The following RPS6KB2 variants were observed in gnomAD, a reference collection of about 807,000 sequenced individuals.
The protein encoded by RPS6KB2 is ribosomal protein S6 kinase beta-2.
In RPS6KB2, 51 loss-of-function variants were observed where a neutral mutation model predicts 58.2. That is an observed-to-expected ratio of 0.88 (90% CI 0.70 to 1.11). The LOEUF (loss-of-function observed/expected upper bound fraction) is 1.11. Ranked by LOEUF, RPS6KB2 falls within the 50% of genes least tolerant of loss-of-function variation. The probability of loss-of-function intolerance (pLI) is 0.00; values close to 1 mark genes in which losing one functional copy is unlikely to be tolerated. For synonymous variants in RPS6KB2, 293 were observed against 258.6 expected, an observed-to-expected ratio of 1.13 and a Z score of -1.28; for missense variants, 671 against 655.8, an observed-to-expected ratio of 1.02 and a Z score of -0.25.
rs1864008815 is a variant in RPS6KB2 at position 67,431,181 on chromosome 11, C to T, written c.310-187C>T. On this transcript the variant is annotated intron_variant, in intron 4 of 14. Transcript: ENST00000312629. ...CTGAGCTGGGATTACAGGCGTGTAC[C>T]ATCATACCCAGCTAATTTTTCTATT... The T allele has an allele frequency of 5.8e-6, 3 of 513,032 alleles. No homozygotes were observed. In the South Asian group the frequency reaches 6.5e-5, roughly 11 times the overall value. The allele number at this position is 513,032 out of a possible 1,614,324, so 31.8% of individuals were successfully genotyped here. A position where few individuals can be genotyped will look rare whatever the true frequency, so the allele number is the denominator to read the frequency against.
intron 9 of RPS6KB2, 43 bp downstream of exon 9, chr11:67,433,259 T>C: frequency 6.2e-7 from 1 of 1,600,420 alleles, no homozygotes; most frequent in African/African-American, 1.3e-5. Flanking sequence ...GGGGCAGAGG[T>C]GGGAGTAGCC....
intron 10 of RPS6KB2, 119 bp from the exon 11 acceptor site, chr11:67,433,876 A>G: frequency 9.1e-7 from 1 of 1,102,292 alleles, no homozygotes; most frequent in Non-Finnish European, 1.4e-6. Flanking sequence ...CATAGGTGGG[A>G]GCCACACCCA....
chr11:67,433,944 A>G, intron 10 of RPS6KB2, 51 bp from the exon 11 acceptor site: 7 of 1,603,760 alleles, frequency 4.4e-6, no homozygotes, highest in Non-Finnish European at 6.0e-6. Flanking sequence ...GGACCCGGGG[A>G]CACATGAGCA....
In RPS6KB2 at chr11:67,433,041, A is replaced by C. The variant is rs1252149182; in HGVS notation, c.706A>C (p.Met236Leu). The C allele has an allele frequency of 1.2e-6, 2 of 1,613,296 alleles. No individual in the cohort carries two copies. Among genetic ancestry groups the C allele is most frequent in the East Asian group, 4.5e-5 (2 of 44,878 alleles). Residue 236 changes from methionine (M) to leucine (L), a missense_variant and splice_region_variant, in exon 8 of 15, where the codon ATG becomes CTG. Coordinates refer to ENST00000312629, the MANE Select transcript of RPS6KB2 (RefSeq NM_003952.3). ...CACCTTCTGCGGCACCATTGAGTAC[A>C]TGTAAGTGGCACCTGGCTGGCCCAG... ...THTFCGTIEY[M>L]APEILVRSGH...
intron 3 of RPS6KB2, 135 bp downstream of exon 3, chr11:67,429,375 G>A: frequency 1.4e-6 from 2 of 1,400,550 alleles, no homozygotes; most frequent in Non-Finnish European, 2.0e-6. Flanking sequence ...AAGGAGGGAA[G>A]GCCAAATCCT....
Position 67,431,379 on chromosome 11 carries a change from G to T in RPS6KB2, c.321G>T (p.Val107=), listed in dbSNP as rs750354971. The T allele has an allele frequency of 6.2e-7, 1 of 1,613,758 alleles. No homozygotes were observed. ...AMKVLRKAKI[V]RNAKDTAHTR... is the part of the protein sequence containing the mutation. ...TCCTGTATCTCCAGGCCAAAATTGTGCGCAATGCCAAGGACACAGCACACA... is the reference window on the plus strand; with the variant it reads ...TCCTGTATCTCCAGGCCAAAATTGTTCGCAATGCCAAGGACACAGCACACA... Residue 107 remains valine, a synonymous_variant, in exon 5 of 15, where the codon GTG becomes GTT. Transcript: ENST00000312629.
intron 5 of RPS6KB2, 140 bp from the exon 6 acceptor site, chr11:67,432,460 G>A: frequency 1.1e-6 from 1 of 880,080 alleles, no homozygotes. Context: ...TTGCTGAATT[G>A]AATTGAATCC....
chr11:67,429,794 C>T (rs949749775), intron 4 of RPS6KB2, 199 bp downstream of exon 4: 1 of 582,336 alleles, frequency 1.7e-6, no homozygotes, highest in East Asian at 2.9e-5. Context: ...AGACATTTGA[C>T]AACAGTGTCT....
Position 67,433,197 on chromosome 11 carries a change from A to G in RPS6KB2, c.779A>G (p.Tyr260Cys), listed in dbSNP as rs1565147334. Residue 260 changes from tyrosine to cysteine, a missense_variant, in exon 9 of 15, where the codon TAC (tyrosine) becomes TGC (cysteine). Transcript: ENST00000312629. ...TGGTGGAGCCTGGGGGCCCTGATGT[A>G]CGACATGCTCACTGGATCGGCAAGT... Reference protein sequence around the residue: ...VDWWSLGALMYDMLTGSPPFT... With the variant: ...VDWWSLGALMCDMLTGSPPFT... 1 of 1,606,440 alleles carries G rather than the reference A, an allele frequency of 6.2e-7. No individual in the cohort carries two copies. The highest frequency in any genetic ancestry group is 1.1e-5 in the South Asian group (1 of 90,846).
chr11:67,433,074 G>C, intron 8 of RPS6KB2, 32 bp downstream of exon 8: 1 of 1,612,436 alleles, frequency 6.2e-7, no homozygotes, highest in Non-Finnish European at 8.5e-7. Context: ...CAGGGGTCGG[G>C]AGGACAGCCC....
intron 10 of RPS6KB2, among the ~76,000 whole-genome samples, chr11:67,433,732 AG>A (rs1474697801): frequency 2.0e-5 from 3 of 152,122 alleles, no homozygotes; most frequent in African/African-American, 7.2e-5. Flanking sequence ...TGTTAGGGGG[AG>A]GCCGGACAGC....
At chr11:67,430,962 A>G (rs1226283180) in intron 4 of RPS6KB2, 1 of 158,984 alleles carries the variant, frequency 6.3e-6, no homozygotes, top group Non-Finnish European at 1.4e-5. Context: ...GGAGAAATAC[A>G]ATGCAGTGAC....
chr11:67,428,758 C>T, intron 1 of RPS6KB2, 135 bp downstream of exon 1: 1 of 953,442 alleles, frequency 1.0e-6, no homozygotes, highest in Non-Finnish European at 1.6e-6. Flanking sequence ...ATCCCGGTCT[C>T]TATTAAGTTC....
intron 4 of RPS6KB2, 72 bp from the exon 5 acceptor site, chr11:67,431,296 C>G (rs35074268): frequency 1.0e-5 from 15 of 1,495,990 alleles, no homozygotes; most frequent in Non-Finnish European, 1.4e-5. Context: ...TCCTAGAGTG[C>G]TGGGATTACA....
chr11:67,432,936 C>T lies in RPS6KB2; in HGVS notation c.617-16C>T, dbSNP rs769003223. 5.0e-6 allele frequency: 8 copies of T among 1,612,776 alleles called. No homozygotes were observed. The Admixed American group carries it at 6.7e-5, about 13-fold the overall frequency. On this transcript the variant is annotated splice_polypyrimidine_tract_variant and intron_variant, in intron 7 of 14. Coordinates refer to ENST00000312629, the MANE Select transcript of RPS6KB2 (RefSeq NM_003952.3). ...GGGTGGGGCCCTGGTCACGCCTCTCCAACACCCTTCCTCAGGCCACATCAA... is the reference window on the plus strand; with the variant it reads ...GGGTGGGGCCCTGGTCACGCCTCTCTAACACCCTTCCTCAGGCCACATCAA...
chr11:67,434,993 C>T lies in RPS6KB2; in HGVS notation c.1273C>T (p.Leu425Phe). The change falls in exon 15 of 15, where the codon CTC becomes TTC. Residue 425 changes from leucine (L) to phenylalanine (F), a missense_variant. Coordinates refer to ENST00000312629, the MANE Select transcript of RPS6KB2 (RefSeq NM_003952.3). ...CTGCCTTGGTTTCCCCTGCAGCCCC[C>T]TCAAGTTCTCCCCTTTTGAGGGGTT... ...NSSPRAPVSP[L>F]KFSPFEGFRP... 2 of 1,613,650 alleles carry T rather than the reference C, an allele frequency of 1.2e-6. No individual in the cohort carries two copies. Among genetic ancestry groups the T allele is most frequent in the Non-Finnish European group, 1.7e-6 (2 of 1,179,816 alleles).
Position 67,432,890 on chromosome 11 carries a change from G to A in RPS6KB2, c.616+53G>A, listed in dbSNP as rs1009952194. ...GGCGGGGTCTGCAATCTGTGGGGAG[G>A]GCTGAGGACCTCTGTGGGTGGGGTG... On this transcript the variant is annotated intron_variant, in intron 7 of 14. Coordinates refer to ENST00000312629, the MANE Select transcript of RPS6KB2 (RefSeq NM_003952.3). The A allele has an allele frequency of 9.3e-6, 15 of 1,609,006 alleles. No individual in the cohort carries two copies. In the African/African-American group the frequency reaches 1.6e-4, roughly 17 times the overall value.
chr11:67,432,730 T>C lies in RPS6KB2; in HGVS notation c.516-7T>C. ...ACTCCCGCCTTCACCCTGTCTTGTTTCTGCAGCTTCTACCTGGCTGAGATC... is the reference window on the plus strand; with the variant it reads ...ACTCCCGCCTTCACCCTGTCTTGTTCCTGCAGCTTCTACCTGGCTGAGATC... On this transcript the variant is annotated splice_region_variant and splice_polypyrimidine_tract_variant and intron_variant, in intron 6 of 14. Coordinates refer to ENST00000312629, the MANE Select transcript of RPS6KB2 (RefSeq NM_003952.3). 1 of 1,614,176 alleles carries C rather than the reference T, an allele frequency of 6.2e-7. No individual in the cohort carries two copies. The highest frequency in any genetic ancestry group is 1.1e-5 in the South Asian group (1 of 91,088).
intron 5 of RPS6KB2, chr11:67,431,819 C>G: frequency 2.8e-6 from 1 of 356,446 alleles, no homozygotes; most frequent in Non-Finnish European, 5.3e-6. Flanking sequence ...CTGTCTTGTT[C>G]TTCTCTCCCG....
Sources: allele counts gnomAD v4.1 joint callset (sites outside exome capture counted in the v4.1 genomes callset), GRCh38; gene constraint gnomAD v4.1.1; transcripts MANE v1.5; gene names NCBI Gene and HGNC (gene_info 2026-07-23, HGNC 2026-07-21).